Variants in ZPBP observed in about 807,000 individuals in gnomAD.
ZPBP encodes zona pellucida binding protein.
A neutral mutation model predicts 44.8 loss-of-function variants in ZPBP; 26 were observed. That is an observed-to-expected ratio of 0.58 (90% CI 0.43 to 0.81). ZPBP has a LOEUF of 0.81. Ranked by LOEUF, ZPBP falls within the 30% of genes least tolerant of loss-of-function variation. ZPBP has a pLI of 0.00. For synonymous variants in ZPBP, 174 were observed against 153.2 expected (o/e 1.14, Z -1.00); for missense variants, 409 against 434.0 (o/e 0.94, Z 0.51).
chr7:49,873,069 C>T (rs1021389528), intron 2 of ZPBP, among the ~76,000 whole-genome samples: 1 of 151,870 alleles, frequency 6.6e-6, no homozygotes, highest in African/African-American at 2.4e-5. Flanking sequence ...AAATGTTCAA[C>T]CTTAGTAGTT....
chr7:50,066,100 G>C (rs1171891229), intron 3 of ZPBP, among the ~76,000 whole-genome samples: 1 of 150,802 alleles, frequency 6.6e-6, no homozygotes, highest in Non-Finnish European at 1.5e-5. Flanking sequence ...AGATGTTTAG[G>C]GCTGCTGCTG....
At chr7:49,858,643 A>T (rs1433527955) in intron 2 of ZPBP, among the ~76,000 whole-genome samples, 6 of 151,984 alleles carry the variant, frequency 3.9e-5, no homozygotes, top group Non-Finnish European at 8.8e-5. Flanking sequence ...AACACGGCAC[A>T]TGTATATATA....
intron 3 of ZPBP, among the ~76,000 whole-genome samples, chr7:50,070,819 T>C (rs1200020172): frequency 6.6e-6 from 1 of 152,190 alleles, no homozygotes; most frequent in Non-Finnish European, 1.5e-5. Context: ...ATTATATTGT[T>C]TTTTACTTTT....
intron 7 of ZPBP, among the ~76,000 whole-genome samples, chr7:49,941,223 C>T (rs1350771076): frequency 6.6e-6 from 1 of 152,024 alleles, no homozygotes; most frequent in Non-Finnish European, 1.5e-5. Context: ...CTATGAAAAA[C>T]AATACAGAGC....
intron 6 of ZPBP, among the ~76,000 whole-genome samples, chr7:49,997,749 A>G (rs1242983914): frequency 6.6e-6 from 1 of 152,180 alleles, no homozygotes; most frequent in African/African-American, 2.4e-5. Flanking sequence ...ATTAGGGCTG[A>G]ACAAGCCACT....
chr7:50,089,603 A>T, intron 2 of ZPBP, 26 bp downstream of exon 2: 1 of 1,524,552 alleles, frequency 6.6e-7, no homozygotes, highest in Non-Finnish European at 9.0e-7. Context: ...ACTTTTAAAA[A>T]TTAGTGAAAA....
intron 2 of ZPBP, among the ~76,000 whole-genome samples, chr7:49,870,691 C>G (rs1791112920): frequency 1.3e-5 from 2 of 152,176 alleles, no homozygotes; most frequent in Admixed American, 1.3e-4. Context: ...AGTTGGGAAA[C>G]CATGACGTTA....
intron 1 of ZPBP, chr7:49,920,023 T>C (rs1467044386): frequency 2.6e-5 from 4 of 152,128 alleles, no homozygotes; most frequent in Non-Finnish European, 5.9e-5. Context: ...GTCTTTAAAA[T>C]AAACATAATG....
At chr7:49,862,420 G>A (rs1226842948) in intron 2 of ZPBP, among the ~76,000 whole-genome samples, 1 of 152,140 alleles carries the variant, frequency 6.6e-6, no homozygotes, top group Non-Finnish European at 1.5e-5. Flanking sequence ...CGTGAATAGA[G>A]ATAGTTTTAT....
chr7:50,079,300 T>A (rs1467085348), intron 3 of ZPBP, among the ~76,000 whole-genome samples: 1 of 151,642 alleles, frequency 6.6e-6, no homozygotes, highest in Admixed American at 6.6e-5. Flanking sequence ...TTCCCATTTA[T>A]AAAATGGAGA....
intron 6 of ZPBP, 45 bp from the exon 7 acceptor site, chr7:49,983,564 G>T: frequency 7.8e-7 from 1 of 1,281,848 alleles, no homozygotes; most frequent in Middle Eastern, 2.5e-4. Flanking sequence ...CATAAAAAAT[G>T]TAATTTTAGA....
At chr7:49,884,239 G>A (rs1020565774) in intron 2 of ZPBP, among the ~76,000 whole-genome samples, 17 of 152,362 alleles carry the variant, frequency 1.1e-4, no homozygotes, top group African/African-American at 4.1e-4. Context: ...CTGGAGGAAG[G>A]ATGAAGATAG....
intron 1 of ZPBP, among the ~76,000 whole-genome samples, chr7:49,903,390 A>G (rs1792884876): frequency 6.6e-6 from 1 of 152,242 alleles, no homozygotes; most frequent in Admixed American, 6.5e-5. Context: ...ATACCATGGA[A>G]TACAACTTAC....
At chr7:49,913,706 G>C (rs1161062079) in intron 1 of ZPBP, 1 of 152,102 alleles carries the variant, frequency 6.6e-6, no homozygotes, top group Non-Finnish European at 1.5e-5. Flanking sequence ...AGCCAAACTA[G>C]AGACCAGCAA....
chr7:49,980,148 ATAAT>A (rs1157407271), intron 7 of ZPBP, among the ~76,000 whole-genome samples: 1 of 113,812 alleles, frequency 8.8e-6, no homozygotes, highest in Non-Finnish European at 1.6e-5. Flanking sequence ...TATTTATATT[ATAAT>A]TATATATTAT....
At chr7:49,887,715 C>G (rs546037916) in intron 2 of ZPBP, among the ~76,000 whole-genome samples, 2 of 150,112 alleles carry the variant, frequency 1.3e-5, no homozygotes, top group East Asian at 3.9e-4. Context: ...AGCTCAAATG[C>G]AAGTGTCTCC....
At chr7:50,014,308 C>G (rs193124193) in intron 6 of ZPBP, among the ~76,000 whole-genome samples, 1 of 151,888 alleles carries the variant, frequency 6.6e-6, no homozygotes, top group East Asian at 1.9e-4. Flanking sequence ...TCCAGAACAA[C>G]CTTGACAAAA....
At position 49,921,661 on chromosome 7, in the gene ZPBP, A is replaced by G. The variant is rs960451418; in HGVS notation, n.411+14090T>C. 2.6e-5 allele frequency: 4 copies of G among 152,356 alleles called. No homozygotes were observed. In the East Asian group the frequency reaches 7.7e-4, roughly 29 times the overall value. The allele number at this position is 152,356 out of a possible 1,614,324, so 9.4% of individuals were successfully genotyped here. On this transcript the variant is annotated intron_variant and non_coding_transcript_variant, in intron 1 of 2. Coordinates refer to the ZPBP transcript ENST00000465922. ...AGCACAAGATCTATGTAAAGTGTTT[A>G]TAACATAATACATTGGAATATGAGA...
Position 50,033,192 on chromosome 7 carries a change from T to C in ZPBP, c.488-1882A>G, listed in dbSNP as rs141271918. On this transcript the variant is annotated intron_variant, in intron 4 of 7. Transcript: ENST00000046087. ...ACATTTGCCTTTCTCTCTGATTTCT[T>C]CTGAATTGAGAAACTAACCATAAAT... 8.1e-3 allele frequency among the ~76,000 whole-genome samples: 1,234 copies of C among 152,304 alleles called. 9 individuals are homozygous for C. Among genetic ancestry groups the C allele is most frequent in the Middle Eastern group, 0.031 (9 of 294 alleles).
Sources: gnomAD v4.1 joint callset for allele counts (sites outside exome capture counted in the v4.1 genomes callset) on GRCh38, gnomAD v4.1.1 for gene constraint, MANE v1.5 for transcripts, NCBI Gene and HGNC (gene_info 2026-07-23, HGNC 2026-07-21) for gene names.